SERPINA3: variants seen among roughly 807,000 people sequenced by gnomAD.
The protein encoded by SERPINA3 is alpha-1-antichymotrypsin.
A neutral mutation model predicts 26.8 loss-of-function variants in SERPINA3; 32 were observed. The ratio of observed to expected loss-of-function variants is 1.20; its 90% CI spans 0.90 to 1.61. The LOEUF (loss-of-function observed/expected upper bound fraction) is 1.61, where lower values mean the gene tolerates loss of function less well. SERPINA3 is among the 40% of genes most tolerant of loss of function. SERPINA3 has a pLI of 0.00. For missense variants in SERPINA3, 632 were observed against 517.9 expected (o/e 1.22, Z -2.14); for synonymous variants, 252 against 206.4 (o/e 1.22, Z -1.89).
At chr14:94,623,516 T>G in intron 4 of SERPINA3, 95 bp from the exon 5 acceptor site, 7 of 1,126,348 alleles carry the variant, frequency 6.2e-6, no homozygotes, top group Non-Finnish European at 9.4e-6. Flanking sequence ...CACTAGGTGC[T>G]CAATGCACAT....
intron 2 of SERPINA3, chr14:94,615,462 C>A (rs1885958602): frequency 2.2e-6 from 1 of 461,206 alleles, no homozygotes; most frequent in Non-Finnish European, 4.3e-6. Flanking sequence ...CCAGGAAGTC[C>A]CTCTGTCTGG....
Position 94,614,644 on chromosome 14 carries a change from C to T in SERPINA3, c.203C>T (p.Ala68Val), listed in dbSNP as rs1377231297. The T allele has an allele frequency of 5.6e-6, 9 of 1,614,098 alleles. No homozygotes were observed. In the South Asian group the frequency reaches 8.8e-5, roughly 16 times the overall value. The change falls in exon 2 of 5, where the codon GCC becomes GTC. Residue 68 changes from alanine to valine, a missense_variant. Transcript: ENST00000393078. ...FSLYKQLVLK[A>V]PDKNVIFSPL... ...CTGTACAAGCAGTTAGTCCTGAAGGCCCCTGATAAGAATGTCATCTTCTCC... is the reference window on the plus strand; with the variant it reads ...CTGTACAAGCAGTTAGTCCTGAAGGTCCCTGATAAGAATGTCATCTTCTCC...
Position 94,622,392 on chromosome 14 carries a change from C to A in SERPINA3, c.969C>A (p.Asn323Lys). ...AGTTTTCCATCTCGAGGGACTATAACCTGAACGACATACTTCTCCAGCTGG... is the reference window on the plus strand; with the variant it reads ...AGTTTTCCATCTCGAGGGACTATAAACTGAACGACATACTTCTCCAGCTGG... ...LPKFSISRDYNLNDILLQLGI... is the reference protein window; with the variant it reads ...LPKFSISRDYKLNDILLQLGI... Residue 323 changes from asparagine (N) to lysine (K), a missense_variant, in exon 4 of 5, where the codon AAC (asparagine) becomes AAA (lysine). Asn to Lys is a moderately conservative substitution (Grantham distance 94, BLOSUM62 0). Coordinates refer to ENST00000393078, the MANE Select transcript of SERPINA3 (RefSeq NM_001085.5). 1.9e-6 allele frequency: 3 copies of A among 1,614,026 alleles called. No individual in the cohort carries two copies. The South Asian group carries it at 3.3e-5, about 18-fold the overall frequency.
intron 2 of SERPINA3, chr14:94,618,761 T>C (rs943502977): frequency 3.7e-6 from 1 of 266,734 alleles, no homozygotes; most frequent in Non-Finnish European, 7.3e-6. Context: ...CCCAAAGCCC[T>C]CCCACAAGCC....
intron 3 of SERPINA3, among the ~76,000 whole-genome samples, chr14:94,620,972 T>C (rs1181435004): frequency 6.6e-6 from 1 of 152,088 alleles, no homozygotes; most frequent in Admixed American, 6.5e-5. Flanking sequence ...GAAAGGAATG[T>C]CCTTTCCCCA....
intron 3 of SERPINA3, 128 bp downstream of exon 3, chr14:94,619,596 T>C: frequency 8.6e-7 from 1 of 1,158,064 alleles, no homozygotes; most frequent in South Asian, 1.3e-5. Context: ...TACTTTGCCC[T>C]ATGCTGCCTA....
chr14:94,615,073 T>C lies in SERPINA3; in HGVS notation c.632T>C (p.Ile211Thr), dbSNP rs1339403587. The C allele has an allele frequency of 1.9e-6, 3 of 1,613,914 alleles. No individual in the cohort carries two copies. The African/African-American group carries it at 4.0e-5, about 22-fold the overall frequency. Residue 211 changes from isoleucine to threonine, a missense_variant, in exon 2 of 5, where the codon ATC (isoleucine) becomes ACC (threonine). Ile to Thr is a moderately conservative substitution (Grantham distance 89). Transcript: ENST00000393078. Reference sequence around the variant, plus strand: ...ACAATGATGGTCCTGGTGAATTACATCTTCTTTAAAGGTGAGTGTGCCTGG... The same window carrying C: ...ACAATGATGGTCCTGGTGAATTACACCTTCTTTAAAGGTGAGTGTGCCTGG... ...SQTMMVLVNY[I>T]FFKAKWEMPF...
chr14:94,614,532 G>A lies in SERPINA3; in HGVS notation c.91G>A (p.Glu31Lys), dbSNP rs536978516. 32 of 1,613,888 alleles carry A rather than the reference G, an allele frequency of 2.0e-5. No homozygotes were observed. In the African/African-American group the frequency reaches 2.1e-4, roughly 11 times the overall value. The change falls in exon 2 of 5, where the codon GAG becomes AAG. Residue 31 changes from glutamate (E) to lysine (K), a missense_variant. Transcript: ENST00000393078. ...CTGCCACCCTAACAGCCCACTTGAC[G>A]AGGAGAATCTGACCCAGGAGAACCA... ...VLCHPNSPLD[E>K]ENLTQENQDR... is the part of the protein sequence containing the mutation.
chr14:94,619,485 C>T lies in SERPINA3; in HGVS notation c.917+17C>T. 1 of 1,613,702 alleles carries T rather than the reference C, an allele frequency of 6.2e-7. No individual in the cohort carries two copies. Among genetic ancestry groups the T allele is most frequent in the Non-Finnish European group, 8.5e-7 (1 of 1,179,884 alleles). The stretch of plus-strand genomic sequence containing the variant: ...GGAGTTCAGGTGATTCTTCCTGGCC[C>T]CCAAAGACCCCACATCTCTCCACGT... On this transcript the variant is annotated intron_variant, in intron 3 of 4. Transcript: ENST00000393078.
rs115964817 is a variant in SERPINA3 at position 94,616,128 on chromosome 14, C to T, written c.643+1044C>T. 8.8e-3 allele frequency among the ~76,000 whole-genome samples: 1,347 copies of T among 152,310 alleles called. 15 individuals carry two copies. The highest frequency in any genetic ancestry group is 0.031 in the African/African-American group (1,270 of 41,554). On this transcript the variant is annotated intron_variant, in intron 2 of 4. Coordinates refer to ENST00000393078, the MANE Select transcript of SERPINA3 (RefSeq NM_001085.5). The stretch of plus-strand genomic sequence containing the variant: ...TTGTTCTCTGAGTTTCCCATGTTCT[C>T]GCCTCCTACTACCTAGCCCTATGCT...
intron 2 of SERPINA3, among the ~76,000 whole-genome samples, chr14:94,616,819 C>T (rs569432964): frequency 9.9e-5 from 15 of 152,244 alleles, no homozygotes; most frequent in African/African-American, 3.6e-4. Flanking sequence ...ACTAGACTAA[C>T]CAGACATTCG....
At chr14:94,615,951 A>C (rs1228129367) in intron 2 of SERPINA3, among the ~76,000 whole-genome samples, 3 of 152,172 alleles carry the variant, frequency 2.0e-5, no homozygotes, top group African/African-American at 7.2e-5. Flanking sequence ...GGTGCTTAGG[A>C]GACATGAGCT....
At chr14:94,617,562 G>T (rs960934082) in intron 2 of SERPINA3, 3 of 152,222 alleles carry the variant, frequency 2.0e-5, no homozygotes. Flanking sequence ...TCTCGCAGCG[G>T]CTCTGAAAGG....
rs748591660 is a variant in SERPINA3, at chr14:94,619,167, C to T, written c.644-28C>T. 2.5e-6 allele frequency: 4 copies of T among 1,613,964 alleles called. No homozygotes were observed. In the African/African-American group the frequency reaches 5.3e-5, roughly 22 times the overall value. ...AGCAGGGCGACCCTTGCACTCACACCTTCTCCAACTGCTTGCTCCACCTTC... is the reference window on the plus strand; with the variant it reads ...AGCAGGGCGACCCTTGCACTCACACTTTCTCCAACTGCTTGCTCCACCTTC... On this transcript the variant is annotated intron_variant, in intron 2 of 4. Transcript: ENST00000393078.
chr14:94,623,599 C>T lies in SERPINA3; in HGVS notation c.1069-12C>T, dbSNP rs866990424. On this transcript the variant is annotated splice_polypyrimidine_tract_variant and intron_variant, in intron 4 of 4. Transcript: ENST00000393078. ...TGTGTTTCCCGTGTGTAATGTTCTG[C>T]TGTCCCCACAGGTGGTCCATAAGGC... 19 of 1,613,012 alleles carry T rather than the reference C, an allele frequency of 1.2e-5. No individual in the cohort carries two copies. The highest frequency in any genetic ancestry group is 1.5e-5 in the Non-Finnish European group (18 of 1,179,500).
Position 94,623,870 on chromosome 14 carries a change from G to T in SERPINA3, c.*56G>T. 6.7e-7 allele frequency: 1 copy of T among 1,502,068 alleles called. No homozygotes were observed. Among genetic ancestry groups the T allele is most frequent in the South Asian group, 1.1e-5 (1 of 88,708 alleles). The allele number at this position is 1,502,068 out of a possible 1,614,324, so 93.0% of individuals were successfully genotyped here. A position where few individuals can be genotyped will look rare whatever the true frequency, so the allele number is the denominator to read the frequency against. On this transcript the variant is annotated 3_prime_UTR_variant, in exon 5 of 5. Transcript: ENST00000393078. ...AAGGAACTTGGAATGCAAGCTGGAT[G>T]CCTGGGTCTCTGGGCACAGCCTGGC...
chr14:94,618,931 T>G lies in SERPINA3; in HGVS notation c.644-264T>G, dbSNP rs1238820328. On this transcript the variant is annotated intron_variant, in intron 2 of 4. Coordinates refer to ENST00000393078, the MANE Select transcript of SERPINA3 (RefSeq NM_001085.5). The stretch of plus-strand genomic sequence containing the variant: ...CCACTTTCCCTAAACCTTCTTTCTC[T>G]CTTGCACTCCTTATTCCCTGGTTCC... The G allele has an allele frequency of 5.3e-6, 3 of 563,096 alleles. No homozygotes were observed. The East Asian group carries it at 9.1e-5, about 17-fold the overall frequency. 34.9% of individuals were successfully genotyped at this position (563,096 alleles called of 1,614,324 possible).
At chr14:94,615,705 T>C (rs1203283558) in intron 2 of SERPINA3, among the ~76,000 whole-genome samples, 1 of 152,244 alleles carries the variant, frequency 6.6e-6, no homozygotes, top group Non-Finnish European at 1.5e-5. Context: ...ATTGTTCCCA[T>C]CTGGGGAAGA....
intron 2 of SERPINA3, chr14:94,618,260 T>C (rs1886072274): frequency 2.6e-5 from 4 of 152,206 alleles, no homozygotes; most frequent in Admixed American, 2.6e-4. Flanking sequence ...TTCAAGATTT[T>C]CTCTTTCTCT....
Sources: allele counts gnomAD v4.1 joint callset (sites outside exome capture counted in the v4.1 genomes callset), GRCh38; gene constraint gnomAD v4.1.1; transcripts MANE v1.5; gene names NCBI Gene and HGNC (gene_info 2026-07-23, HGNC 2026-07-21).